The following NAF1 variants were observed in gnomAD, a reference collection of about 807,000 sequenced individuals.
The protein encoded by NAF1 is H/ACA ribonucleoprotein complex non-core subunit NAF1.
NAF1 carries 11 observed loss-of-function variants against 40.6 expected under a neutral mutation model. That is an observed-to-expected ratio of 0.27 (90% CI 0.17 to 0.45). The LOEUF is 0.45. Ranked by LOEUF, NAF1 falls within the 20% of genes least tolerant of loss-of-function variation. The probability of loss-of-function intolerance (pLI) is 1.00; values close to 1 mark genes in which losing one functional copy is unlikely to be tolerated. For synonymous variants in NAF1, 260 were observed against 228.5 expected (o/e 1.14, Z -1.24); for missense variants, 607 against 611.1 (o/e 0.99, Z 0.07).
intron 2 of NAF1, among the ~76,000 whole-genome samples, chr4:163,119,210 C>T (rs913509463): frequency 1.3e-5 from 2 of 152,052 alleles, no homozygotes; most frequent in African/African-American, 4.8e-5. Context: ...TGTAGAATGT[C>T]CTTAGAATTT....
chr4:163,152,887 C>A (rs948276758), intron 2 of NAF1, among the ~76,000 whole-genome samples: 1 of 152,184 alleles, frequency 6.6e-6, no homozygotes, highest in Non-Finnish European at 1.5e-5. Flanking sequence ...GCGGCGCTTG[C>A]GGGCCAGCTG....
At chr4:163,147,044 T>C (rs1223379887) in intron 3 of NAF1, among the ~76,000 whole-genome samples, 1 of 151,214 alleles carries the variant, frequency 6.6e-6, no homozygotes, top group Non-Finnish European at 1.5e-5. Flanking sequence ...AAGAAATTAG[T>C]TGCCTGTTTG....
chr4:163,146,508 C>T (rs1485476422), intron 3 of NAF1, among the ~76,000 whole-genome samples: 1 of 152,130 alleles, frequency 6.6e-6, no homozygotes, highest in Non-Finnish European at 1.5e-5. Flanking sequence ...CAAACACACT[C>T]TCAATAAGTT....
chr4:163,128,966 A>C lies in NAF1; in HGVS notation c.1416T>G (p.Pro472=). 6 of 329,146 alleles carry C rather than the reference A, an allele frequency of 1.8e-5. No individual in the cohort carries two copies. Among genetic ancestry groups the C allele is most frequent in the East Asian group, 7.8e-5 (1 of 12,792 alleles). The allele number at this position is 329,146 out of a possible 1,614,324, so 20.4% of individuals were successfully genotyped here. A position where few individuals can be genotyped will look rare whatever the true frequency, so the allele number is the denominator to read the frequency against. Residue 472 remains proline (P), a synonymous_variant, in exon 8 of 8, where the codon CCT becomes CCG. Transcript: ENST00000274054. ...GTGGAGGAGGCAGTGGTGGAGGGGG[A>C]GGGGGTGGGGGTAGGGAGTATGGTA... ...LNLPYSLPPP[P]PPPPLPPPPS...
intron 2 of NAF1, chr4:163,158,120 TG>T (rs1323346379): frequency 6.6e-6 from 1 of 152,094 alleles, no homozygotes; most frequent in African/African-American, 2.4e-5. Flanking sequence ...ACCTTTTTGG[TG>T]TCAGTTTGGG....
intron 2 of NAF1, among the ~76,000 whole-genome samples, chr4:163,118,760 G>GA (rs112900853): frequency 2.9e-4 from 42 of 145,480 alleles, no homozygotes; most frequent in Admixed American, 7.5e-4. Flanking sequence ...CTCAAAAAAA[G>GA]AAAAAAAAAA....
intron 2 of NAF1, among the ~76,000 whole-genome samples, chr4:163,149,286 T>A (rs956038530): frequency 6.6e-6 from 1 of 152,172 alleles, no homozygotes; most frequent in South Asian, 2.1e-4. Flanking sequence ...GCAAAGACCC[T>A]ACCAATGGCA....
At chr4:163,139,661 CA>C (rs1046400708) in intron 5 of NAF1, among the ~76,000 whole-genome samples, 1 of 152,006 alleles carries the variant, frequency 6.6e-6, no homozygotes, top group African/African-American at 2.4e-5. Context: ...TATTGATAGA[CA>C]AAATGGAGAG....
downstream of NAF1, among the ~76,000 whole-genome samples, chr4:163,109,157 AC>A (rs1331607030): frequency 2.1e-5 from 2 of 93,100 alleles, no homozygotes; most frequent in African/African-American, 8.3e-5. Flanking sequence ...TCTCCTTTTC[AC>A]CCTTTTTTTT....
intron 2 of NAF1, among the ~76,000 whole-genome samples, chr4:163,149,997 G>A (rs1253258326): frequency 1.3e-5 from 2 of 152,046 alleles, no homozygotes; most frequent in Non-Finnish European, 2.9e-5. Flanking sequence ...TGCTAATCCA[G>A]AAGTACAGTG....
intron 1 of NAF1, 143 bp downstream of exon 1, chr4:163,166,218 TAC>T (rs1732454893): frequency 2.9e-6 from 3 of 1,030,492 alleles, no homozygotes; most frequent in Non-Finnish European, 4.1e-6. Flanking sequence ...TCGGAGCCAA[TAC>T]TTCAACACGT....
chr4:163,132,472 G>A (rs1042531416), intron 7 of NAF1, among the ~76,000 whole-genome samples: 8 of 152,134 alleles, frequency 5.3e-5, no homozygotes, highest in South Asian at 2.1e-4. Flanking sequence ...TTCCCTAATC[G>A]TACTACAGTG....
downstream of NAF1, chr4:163,127,034 T>C (rs1463915246): frequency 1.3e-6 from 2 of 1,551,582 alleles, no homozygotes; most frequent in Non-Finnish European, 1.7e-6. Context: ...TATATGCATT[T>C]GGAAACCAAA....
downstream of NAF1, among the ~76,000 whole-genome samples, chr4:163,123,237 TAACA>T (rs1169844159): frequency 2.0e-5 from 3 of 152,112 alleles, no homozygotes; most frequent in Non-Finnish European, 4.4e-5. Flanking sequence ...TTGTGTGAAC[TAACA>T]GAGTGAGAAC....
At chr4:163,153,800 T>C (rs574193559) in intron 2 of NAF1, among the ~76,000 whole-genome samples, 25 of 152,248 alleles carry the variant, frequency 1.6e-4, no homozygotes, top group Non-Finnish European at 2.8e-4. Flanking sequence ...CCAGCCAGCA[T>C]TGGCAACCCG....
intron 3 of NAF1, among the ~76,000 whole-genome samples, chr4:163,146,796 T>C (rs748087769): frequency 2.0e-5 from 3 of 152,194 alleles, no homozygotes; most frequent in Non-Finnish European, 2.9e-5. Flanking sequence ...AAAATCTCTA[T>C]TAAAAATCTG....
chr4:163,144,585 T>A (rs1239810614), intron 4 of NAF1, among the ~76,000 whole-genome samples: 5 of 152,228 alleles, frequency 3.3e-5, no homozygotes, highest in African/African-American at 1.2e-4. Context: ...TTTTGGAGAA[T>A]CATTTCAAGG....
intron 2 of NAF1, among the ~76,000 whole-genome samples, chr4:163,118,881 T>C (rs1730432620): frequency 6.6e-6 from 1 of 152,278 alleles, no homozygotes; most frequent in Admixed American, 6.5e-5. Flanking sequence ...AAAAAGTACC[T>C]GGATGGGTCC....
chr4:163,155,409 GAACT>G (rs1366849129), intron 2 of NAF1, among the ~76,000 whole-genome samples: 17 of 152,094 alleles, frequency 1.1e-4, no homozygotes, highest in African/African-American at 3.6e-4. Flanking sequence ...TCTATTAGAT[GAACT>G]AACCTACCTC....
Sources: allele counts gnomAD v4.1 joint callset (sites outside exome capture counted in the v4.1 genomes callset), GRCh38; gene constraint gnomAD v4.1.1; transcripts MANE v1.5; gene names NCBI Gene and HGNC (gene_info 2026-07-23, HGNC 2026-07-21).